Variants in UBXN2B observed in about 807,000 individuals in gnomAD.
UBXN2B encodes the protein UBX domain protein 2B.
UBXN2B carries 19 observed loss-of-function variants against 37.5 expected under a neutral mutation model. The ratio of observed to expected loss-of-function variants is 0.51; its 90% CI spans 0.35 to 0.74. The LOEUF (loss-of-function observed/expected upper bound fraction) is 0.74. Ranked by LOEUF, UBXN2B falls within the 30% of genes least tolerant of loss-of-function variation. The pLI, the probability that UBXN2B is intolerant of heterozygous loss-of-function variation, is 0.01. For missense variants in UBXN2B, 370 were observed against 393.2 expected (o/e 0.94, Z 0.50); for synonymous variants, 145 against 143.8 (o/e 1.01, Z -0.06).
intron 6 of UBXN2B, among the ~76,000 whole-genome samples, chr8:58,441,842 T>C (rs1473365934): frequency 6.6e-6 from 1 of 152,172 alleles, no homozygotes; most frequent in Non-Finnish European, 1.5e-5. Context: ...AAGATTTTGA[T>C]TATGGAAAAC....
rs1193153657 is a variant in UBXN2B, at chr8:58,447,512, A to G, written c.957A>G (p.Ala319=). 1.2e-6 allele frequency: 2 copies of G among 1,613,014 alleles called. No homozygotes were observed. Among genetic ancestry groups the G allele is most frequent in the African/African-American group, 2.7e-5 (2 of 74,922 alleles). ...LTDESLTLLE[A]DILNTVLLQQ... is the part of the protein sequence containing the mutation. ...ATGAAAGCCTGACACTGCTAGAAGC[A>G]GATATTCTTAACACTGTGTTACTCC... The change falls in exon 8 of 8, where the codon GCA becomes GCG. Residue 319 remains alanine, a synonymous_variant. Coordinates refer to ENST00000399598, the MANE Select transcript of UBXN2B (RefSeq NM_001077619.2).
chr8:58,436,901 C>G (rs1808425441), intron 5 of UBXN2B, among the ~76,000 whole-genome samples: 1 of 152,088 alleles, frequency 6.6e-6, no homozygotes, highest in African/African-American at 2.4e-5. Flanking sequence ...TATAAATTAC[C>G]CAGCCTCAAG....
chr8:58,426,575 G>A (rs1808097990), intron 2 of UBXN2B: 2 of 753,362 alleles, frequency 2.7e-6, no homozygotes, highest in South Asian at 1.3e-5. Context: ...AGTCTCCAGG[G>A]TTACTTTTAC....
At position 58,441,348 on chromosome 8, in the gene UBXN2B, CATATATATAT is replaced by C. The variant is rs33952664; in HGVS notation, c.671+1589_671+1598del. On this transcript the variant is annotated intron_variant, in intron 6 of 7. Transcript: ENST00000399598. ...TTTTTACTCCTCTTGTTGTGATCAA[CATATATATAT>C]ATATATATATGTATGTGTATATATA... Among the ~76,000 whole-genome samples, 6 of 104,664 alleles carry C rather than the reference CATATATATAT, an allele frequency of 5.7e-5. 1 individual carries two copies. Among genetic ancestry groups the C allele is most frequent in the Non-Finnish European group, 1.0e-4 (5 of 49,452 alleles). 68.7% of individuals were successfully genotyped at this position (104,664 alleles called of 152,430 possible).
At chr8:58,416,806 T>G (rs1807795369) in intron 1 of UBXN2B, 44 bp from the exon 2 acceptor site, 1 of 1,549,884 alleles carries the variant, frequency 6.5e-7, no homozygotes, top group Non-Finnish European at 8.9e-7. Flanking sequence ...ATGGAAGAGG[T>G]TATTCCTAGT....
At chr8:58,415,028 T>A (rs567364112) in intron 1 of UBXN2B, among the ~76,000 whole-genome samples, 1 of 152,250 alleles carries the variant, frequency 6.6e-6, no homozygotes, top group South Asian at 2.1e-4. Context: ...ATGTTCTTTA[T>A]ATAATTCAAC....
At chr8:58,425,295 T>C in intron 2 of UBXN2B, 1 of 1,155,346 alleles carries the variant, frequency 8.7e-7, no homozygotes, top group Non-Finnish European at 1.3e-6. Flanking sequence ...CTCTCTCCAC[T>C]TCTTTCGTTG....
At chr8:58,424,690 G>GC (rs1299614093) in intron 2 of UBXN2B, 1 of 1,321,656 alleles carries the variant, frequency 7.6e-7, no homozygotes, top group Non-Finnish European at 1.1e-6. Flanking sequence ...TACAAGGCGG[G>GC]GGGGGGGGCT....
In UBXN2B at chr8:58,447,455, T is replaced by C. The variant is rs1319717886; in HGVS notation, c.900T>C (p.Leu300=). 3 of 1,613,320 alleles carry C rather than the reference T, an allele frequency of 1.9e-6. No homozygotes were observed. The highest frequency in any genetic ancestry group is 2.5e-6 in the Non-Finnish European group (3 of 1,179,512). Residue 300 remains leucine, a synonymous_variant, in exon 8 of 8, where the codon CTT becomes CTC. Transcript: ENST00000399598. ...RPEFAALDFI[L]VTSFPNKELT... ...AATTTGCGGCTCTTGACTTTATTCT[T>C]GTGACTTCATTTCCGAATAAAGAGC...
At chr8:58,441,182 A>G (rs550328561) in intron 6 of UBXN2B, among the ~76,000 whole-genome samples, 166 of 151,500 alleles carry the variant, frequency 1.1e-3, no homozygotes, top group African/African-American at 3.8e-3. Context: ...TTGTAGAGAC[A>G]CGTGTCTTAC....
At chr8:58,425,584 T>C in intron 2 of UBXN2B, 1 of 1,004,762 alleles carries the variant, frequency 1.0e-6, no homozygotes, top group Non-Finnish European at 1.6e-6. Context: ...TTTTCGGCCG[T>C]AGAGAAGTAT....
chr8:58,427,092 A>G (rs1808119940), intron 2 of UBXN2B, among the ~76,000 whole-genome samples: 1 of 152,254 alleles, frequency 6.6e-6, no homozygotes, highest in Non-Finnish European at 1.5e-5. Context: ...TATAAAATTA[A>G]TGAGGATGGA....
At chr8:58,438,250 C>T (rs545059819) in intron 5 of UBXN2B, among the ~76,000 whole-genome samples, 11 of 152,314 alleles carry the variant, frequency 7.2e-5, no homozygotes, top group African/African-American at 2.2e-4. Flanking sequence ...TAGAGGGCCA[C>T]GCCAAAGGGA....
intron 2 of UBXN2B, chr8:58,425,130 C>G: frequency 1.2e-6 from 1 of 818,250 alleles, no homozygotes; most frequent in Non-Finnish European, 2.2e-6. Context: ...ATTGCCAGAC[C>G]ATTCTCTCCA....
intron 2 of UBXN2B, chr8:58,425,748 C>T: frequency 8.7e-7 from 1 of 1,152,554 alleles, no homozygotes; most frequent in Non-Finnish European, 1.3e-6. Flanking sequence ...AGTACTGTAC[C>T]CCATGTTTCC....
rs67257878 is a variant in UBXN2B at position 58,448,108 on chromosome 8, G to T, written c.*557G>T. The stretch of plus-strand genomic sequence containing the variant: ...TACTAGTATCAGAAACTACAGTTTT[G>T]CCTTGTATTTTACAGAATTATGACT... On this transcript the variant is annotated 3_prime_UTR_variant, in exon 8 of 8. Transcript: ENST00000399598. 0.13 allele frequency: 18,905 copies of T among 151,230 alleles called. 1,233 individuals carry two copies. Among genetic ancestry groups the T allele is most frequent in the South Asian group, 0.19 (923 of 4,784 alleles). The allele number at this position is 151,230 out of a possible 1,614,324, so 9.4% of individuals were successfully genotyped here. A position where few individuals can be genotyped will look rare whatever the true frequency, so the allele number is the denominator to read the frequency against.
In UBXN2B at chr8:58,450,849, C is replaced by T. The variant is rs1177349666; in HGVS notation, c.*3298C>T. 1 of 152,144 alleles carries T rather than the reference C, an allele frequency of 6.6e-6. No individual in the cohort carries two copies. The highest frequency in any genetic ancestry group is 2.4e-5 in the African/African-American group (1 of 41,412). 9.4% of individuals were successfully genotyped at this position (152,144 alleles called of 1,614,324 possible). On this transcript the variant is annotated 3_prime_UTR_variant, in exon 8 of 8. Coordinates refer to ENST00000399598, the MANE Select transcript of UBXN2B (RefSeq NM_001077619.2). ...AGGGTTTTCACACTGGGAGTGCTAC[C>T]AGAACTACCACAGGATGAAAGTGGT...
intron 1 of UBXN2B, among the ~76,000 whole-genome samples, chr8:58,415,581 G>T (rs2129603633): frequency 6.6e-6 from 1 of 152,084 alleles, no homozygotes; most frequent in South Asian, 2.1e-4. Flanking sequence ...AAACATTTAA[G>T]AATAATATCT....
chr8:58,445,761 A>C, intron 6 of UBXN2B, 146 bp from the exon 7 acceptor site: 527 of 556,104 alleles, frequency 9.5e-4, no homozygotes, highest in Non-Finnish European at 1.2e-3. Context: ...TAAGAATCGT[A>C]GGATCCAAAA....
Sources: gnomAD v4.1 joint callset for allele counts (sites outside exome capture counted in the v4.1 genomes callset) on GRCh38, gnomAD v4.1.1 for gene constraint, MANE v1.5 for transcripts, NCBI Gene and HGNC (gene_info 2026-07-23, HGNC 2026-07-21) for gene names.